The following SMARCA2 variants were observed in gnomAD, a reference collection of about 807,000 sequenced individuals.
The protein encoded by SMARCA2 is SWI/SNF-related matrix-associated actin-dependent regulator of chromatin subfamily A member 2.
A neutral mutation model predicts 199.8 loss-of-function variants in SMARCA2; 61 were observed. The ratio of observed to expected loss-of-function variants is 0.31; its 90% CI spans 0.25 to 0.38. The LOEUF (loss-of-function observed/expected upper bound fraction) is 0.38. Among genes scored for constraint, SMARCA2 ranks in the 10% least tolerant of loss-of-function variants. The pLI, the probability that SMARCA2 is intolerant of heterozygous loss-of-function variation, is 1.00. For synonymous variants in SMARCA2, 935 were observed against 732.0 expected, an observed-to-expected ratio of 1.28 and a Z score of -4.48; for missense variants, 1,344 against 2,012.2, an observed-to-expected ratio of 0.67 and a Z score of 6.35.
Position 2,116,068 on chromosome 9 carries a change from A to C in SMARCA2, c.3684+19A>C. On this transcript the variant is annotated intron_variant, in intron 25 of 33. Transcript: ENST00000349721. ...AAATGAGGTATTAGAGAAAACCCCA[A>C]GTTTATGAAATCAAACAGTGGCCTT... 6.4e-7 allele frequency: 1 copy of C among 1,561,498 alleles called. No homozygotes were observed. The highest frequency in any genetic ancestry group is 8.8e-7 in the Non-Finnish European group (1 of 1,133,922).
intron 23 of SMARCA2, among the ~76,000 whole-genome samples, chr9:2,105,233 A>ATTTTTTTTT (rs550498507): frequency 6.8e-6 from 1 of 147,192 alleles, no homozygotes; most frequent in African/African-American, 2.5e-5. Context: ...GACAAACTTG[A>ATTTTTTTTT]TTTTTTTTTT....
rs745902246 is a variant in SMARCA2 at position 2,016,865 on chromosome 9, G to A, written c.-37+1461G>A. ...TCCTCCCGTTTGCGTTGCAAAACAC[G>A]GCCATGCCATCTGCAAAGGTGTCGC... On this transcript the variant is annotated intron_variant, in intron 1 of 33. Coordinates refer to ENST00000349721, the MANE Select transcript of SMARCA2 (RefSeq NM_003070.5). This position sits in a 1 kb window ranked among gnomAD's most constrained non-coding sequence, Gnocchi z 5.6. Among the ~76,000 whole-genome samples, 1 of 152,160 alleles carries A rather than the reference G, an allele frequency of 6.6e-6. No homozygotes were observed. Among genetic ancestry groups the A allele is most frequent in the African/African-American group, 2.4e-5 (1 of 41,442 alleles).
intron 30 of SMARCA2, 70 bp from the exon 31 acceptor site, chr9:2,182,071 T>C: frequency 3.0e-6 from 3 of 1,007,534 alleles, no homozygotes. Context: ...CAGGCTTTGT[T>C]AACTAAGTAA....
At chr9:2,144,299 C>T (rs771319697) in intron 27 of SMARCA2, among the ~76,000 whole-genome samples, 1 of 152,102 alleles carries the variant, frequency 6.6e-6, no homozygotes, top group East Asian at 1.9e-4. Context: ...CTGTTGGCGA[C>T]CCCTGCGTAC....
chr9:2,127,894 A>G (rs945994177), intron 27 of SMARCA2, among the ~76,000 whole-genome samples: 3 of 152,192 alleles, frequency 2.0e-5, no homozygotes, highest in African/African-American at 7.2e-5. Context: ...AGTTGGTGGA[A>G]TTTAGAATTT....
At chr9:2,167,959 A>G (rs1327049752) in intron 28 of SMARCA2, among the ~76,000 whole-genome samples, 2 of 151,694 alleles carry the variant, frequency 1.3e-5, no homozygotes, top group Non-Finnish European at 2.9e-5. Flanking sequence ...ATACAATGAC[A>G]TTACCTGGTA....
At chr9:2,101,885 G>A (rs1242981860) in intron 22 of SMARCA2, among the ~76,000 whole-genome samples, 1 of 152,196 alleles carries the variant, frequency 6.6e-6, no homozygotes, top group Non-Finnish European at 1.5e-5. Context: ...TGTTGTTGAA[G>A]CTTCAAAGGT....
chr9:2,146,262 G>C (rs1013952009), intron 27 of SMARCA2, among the ~76,000 whole-genome samples: 6 of 152,118 alleles, frequency 3.9e-5, no homozygotes, highest in African/African-American at 1.4e-4. Flanking sequence ...TCCCAATCAT[G>C]ACCTAATCAC....
intron 20 of SMARCA2, 109 bp downstream of exon 20, chr9:2,096,873 A>G: frequency 1.4e-6 from 1 of 735,714 alleles, no homozygotes; most frequent in Non-Finnish European, 2.5e-6. Context: ...TTGTTAAAGT[A>G]AATCACTGGA....
chr9:2,045,699 G>T (rs1371146028), intron 4 of SMARCA2: 2 of 151,886 alleles, frequency 1.3e-5, no homozygotes, highest in Non-Finnish European at 2.9e-5. Flanking sequence ...TTCCTCCTAA[G>T]ATTTTCTCAT....
At position 2,115,875 on chromosome 9, in the gene SMARCA2, G is replaced by C. The variant is rs148467601; in HGVS notation, c.3510G>C (p.Arg1170=). ...AHRIGQQNEV[R]VLRLCTVNSV... ...GCATCGGGCAGCAGAACGAGGTCCG[G>C]GTACTGAGGCTCTGTACCGTGAACA... Residue 1170 remains arginine, a synonymous_variant, in exon 25 of 34, where the codon CGG becomes CGC. Transcript: ENST00000349721. This position sits in a 1 kb window ranked among gnomAD's most constrained non-coding sequence, Gnocchi z 6.0. The C allele has an allele frequency of 1.2e-6, 2 of 1,614,050 alleles. No homozygotes were observed. Among genetic ancestry groups the C allele is most frequent in the East Asian group, 2.2e-5 (1 of 44,866 alleles).
At chr9:2,185,287 T>G (rs1164239792) in intron 31 of SMARCA2, among the ~76,000 whole-genome samples, 1 of 152,258 alleles carries the variant, frequency 6.6e-6, no homozygotes, top group African/African-American at 2.4e-5. Context: ...TACTTGTCTT[T>G]TTGTGACTGG....
At position 2,169,123 on chromosome 9, in the gene SMARCA2, C is replaced by T. The variant is rs1222901411; in HGVS notation, c.4200-1296C>T. On this transcript the variant is annotated intron_variant, in intron 28 of 33. Coordinates refer to ENST00000349721, the MANE Select transcript of SMARCA2 (RefSeq NM_003070.5). This position sits in a 1 kb window ranked among gnomAD's most constrained non-coding sequence, Gnocchi z 6.5. ...GTGCCTTATTGCTGACACTCAGAGTCCCCTCAACCTGCTCCTAATTGTCCC... is the reference window on the plus strand; with the variant it reads ...GTGCCTTATTGCTGACACTCAGAGTTCCCTCAACCTGCTCCTAATTGTCCC... Among the ~76,000 whole-genome samples, 2 of 152,072 alleles carry T rather than the reference C, an allele frequency of 1.3e-5. No homozygotes were observed. Among genetic ancestry groups the T allele is most frequent in the Non-Finnish European group, 2.9e-5 (2 of 68,002 alleles).
At chr9:2,084,348 C>T (rs1821701768) in intron 17 of SMARCA2, 152 bp downstream of exon 17, 8 of 498,928 alleles carry the variant, frequency 1.6e-5, no homozygotes, top group Admixed American at 6.6e-5. Flanking sequence ...ATGTTTTGGT[C>T]GTGGATTTGA....
intron 27 of SMARCA2, among the ~76,000 whole-genome samples, chr9:2,133,448 A>G (rs185430754): frequency 9.9e-5 from 15 of 151,906 alleles, no homozygotes; most frequent in Admixed American, 2.6e-4. Context: ...CACCCAGCTA[A>G]TTTTTGTATT....
chr9:2,083,305 A>T, intron 15 of SMARCA2, 42 bp from the exon 16 acceptor site: 1 of 1,326,254 alleles, frequency 7.5e-7, no homozygotes, highest in Non-Finnish European at 1.1e-6. Context: ...TGATTTTTAT[A>T]CAAATGTCTT....
chr9:2,029,009 G>A lies in SMARCA2; in HGVS notation c.-14G>A. The A allele has an allele frequency of 6.5e-7, 1 of 1,548,138 alleles. No individual in the cohort carries two copies. Among genetic ancestry groups the A allele is most frequent in the Non-Finnish European group, 8.7e-7 (1 of 1,146,736 alleles). ...TAGCATTACTCTACTGACTGGCAGA[G>A]ACAGGAGAGGTAGATGTCCACGCCC... On this transcript the variant is annotated 5_prime_UTR_variant, in exon 2 of 34. Transcript: ENST00000349721.
intron 1 of SMARCA2, among the ~76,000 whole-genome samples, chr9:2,021,258 A>G (rs1481090681): frequency 2.0e-5 from 3 of 152,214 alleles, no homozygotes; most frequent in Admixed American, 1.3e-4. Context: ...AATAATATTT[A>G]AAGTTTGAAA....
rs147127283 is a variant in SMARCA2, at chr9:2,085,152, T to C, written c.2526+956T>C. On this transcript the variant is annotated intron_variant, in intron 17 of 33. Coordinates refer to ENST00000349721, the MANE Select transcript of SMARCA2 (RefSeq NM_003070.5). ...AGGAAATGTGTTCCCAGGGGAGGTT[T>C]AATAATTGAGATGGCACTGGCAACA... is the stretch of plus-strand genomic sequence containing the variant. Among the ~76,000 whole-genome samples, 135 of 152,294 alleles carry C rather than the reference T, an allele frequency of 8.9e-4. 1 individual carries two copies. The highest frequency in any genetic ancestry group is 3.0e-3 in the African/African-American group (123 of 41,558).
Sources: gnomAD v4.1 joint callset for allele counts (sites outside exome capture counted in the v4.1 genomes callset) on GRCh38, gnomAD v4.1.1 for gene constraint, Gnocchi (gnomAD v3.1) non-coding constraint, MANE v1.5 for transcripts, NCBI Gene and HGNC (gene_info 2026-07-23, HGNC 2026-07-21) for gene names.